The following TRMT44 variants were observed in gnomAD, a reference collection of about 807,000 sequenced individuals.
The protein encoded by TRMT44 is tRNA methyltransferase 44 homolog, also known as probable tRNA (uracil-O(2)-)-methyltransferase.
A neutral mutation model predicts 77.3 loss-of-function variants in TRMT44; 78 were observed. The ratio of observed to expected loss-of-function variants is 1.01; its 90% confidence interval spans 0.84 to 1.22. TRMT44 has a LOEUF of 1.22. Ranked by LOEUF, TRMT44 falls within the 50% of genes most tolerant of loss-of-function variation. The pLI is 0.00. For missense variants in TRMT44, 1,090 were observed against 964.4 expected, an observed-to-expected ratio of 1.13 and a Z score of -1.73; for synonymous variants, 391 against 383.3, an observed-to-expected ratio of 1.02 and a Z score of -0.23.
In TRMT44 at chr4:8,476,386, G is replaced by C; in HGVS notation, c.*385G>C. 1 of 227,246 alleles carries C rather than the reference G, an allele frequency of 4.4e-6. No homozygotes were observed. The highest frequency in any genetic ancestry group is 8.7e-6 in the Non-Finnish European group (1 of 114,660). 14.1% of individuals were successfully genotyped at this position (227,246 alleles called of 1,614,324 possible). A position where few individuals can be genotyped will look rare whatever the true frequency, so the allele number is the denominator to read the frequency against. ...CATGTCCACATCTGTGAAGAGGATG[G>C]GGCTCCTCGAGAAGTAAGACCGTAT... On this transcript the variant is annotated 3_prime_UTR_variant, in exon 11 of 11. Coordinates refer to ENST00000389737, the MANE Select transcript of TRMT44 (RefSeq NM_152544.3).
At chr4:8,472,316 G>A (rs914034074) in intron 10 of TRMT44, among the ~76,000 whole-genome samples, 3 of 152,188 alleles carry the variant, frequency 2.0e-5, no homozygotes, top group African/African-American at 7.2e-5. Context: ...GCCAGGGTTG[G>A]GAGGAGTAAG....
intron 6 of TRMT44, 49 bp from the exon 7 acceptor site, chr4:8,463,936 C>A: frequency 6.6e-7 from 1 of 1,517,720 alleles, no homozygotes. Flanking sequence ...CACGCAGTAG[C>A]TCTACAATGA....
In TRMT44 at chr4:8,475,881, C is replaced by G. The variant is rs146174824; in HGVS notation, c.2154C>G (p.Leu718=). 1.2e-6 allele frequency: 2 copies of G among 1,614,140 alleles called. No homozygotes were observed. Among genetic ancestry groups the G allele is most frequent in the African/African-American group, 1.3e-5 (1 of 74,952 alleles). Residue 718 remains leucine (L), a synonymous_variant, in exon 11 of 11, where the codon CTC becomes CTG. Transcript: ENST00000389737. ...TCTCTGAAGCCTGCAAAACCCGCCT[C>G]TGCTGGTTCTTCATGCATCACCCTG... ...RLLSEACKTR[L]CWFFMHHPDG... is the part of the protein sequence containing the mutation.
chr4:8,482,991 G>A (rs1241691620), intron 2 of TRMT44, among the ~76,000 whole-genome samples: 2 of 152,206 alleles, frequency 1.3e-5, no homozygotes, highest in Non-Finnish European at 2.9e-5. Context: ...GGAACCTAGA[G>A]TGGGAGAGAT....
At chr4:8,481,992 T>G (rs962079280) in intron 2 of TRMT44, among the ~76,000 whole-genome samples, 10 of 152,376 alleles carry the variant, frequency 6.6e-5, no homozygotes, top group African/African-American at 2.2e-4. Flanking sequence ...TGAACATTCC[T>G]GTCTATGAAA....
chr4:8,483,126 A>G (rs899119844), intron 2 of TRMT44, among the ~76,000 whole-genome samples: 2 of 152,194 alleles, frequency 1.3e-5, no homozygotes, highest in African/African-American at 2.4e-5. Flanking sequence ...ACTAAATGGA[A>G]TAAGAGAAGG....
chr4:8,487,477 G>A (rs1727847198), intron 2 of TRMT44, among the ~76,000 whole-genome samples: 1 of 152,058 alleles, frequency 6.6e-6, no homozygotes, highest in Non-Finnish European at 1.5e-5. Context: ...GGAAATAAGG[G>A]ATGGGGCGCA....
At chr4:8,449,358 T>C (rs73211368) in intron 2 of TRMT44, among the ~76,000 whole-genome samples, 3,375 of 152,360 alleles carry the variant, frequency 0.022, 64 homozygotes, top group African/African-American at 0.049. Flanking sequence ...GGAAAATCCT[T>C]GGACGCTTAG....
At chr4:8,462,715 CAACAA>C (rs535548167) in intron 6 of TRMT44, among the ~76,000 whole-genome samples, 40 of 152,232 alleles carry the variant, frequency 2.6e-4, no homozygotes, top group South Asian at 6.2e-4. Context: ...AAAACAACAA[CAACAA>C]AACAAAACAA....
At chr4:8,474,898 G>A (rs896135997) in intron 10 of TRMT44, among the ~76,000 whole-genome samples, 3 of 152,180 alleles carry the variant, frequency 2.0e-5, no homozygotes, top group African/African-American at 4.8e-5. Context: ...GGTGACGAGC[G>A]GGCCCACAGC....
At chr4:8,495,022 C>G (rs1361263104), downstream of TRMT44, among the ~76,000 whole-genome samples, 2 of 152,212 alleles carry the variant, frequency 1.3e-5, no homozygotes, top group African/African-American at 4.8e-5. Flanking sequence ...CCCAGCTGCT[C>G]TTTCCCAACA....
intron 3 of TRMT44, 71 bp downstream of exon 3, chr4:8,449,959 T>A (rs202074531): frequency 5.7e-6 from 2 of 353,852 alleles, no homozygotes; most frequent in Non-Finnish European, 8.1e-6. Context: ...CTTTTTTTTT[T>A]TTTTTTTTTT....
At chr4:8,512,698 G>A in the TRMT44 span, 1 of 152,178 alleles carries the variant, frequency 6.6e-6, no homozygotes, top group African/African-American at 2.4e-5. Context: ...GTGTCTGATC[G>A]ATCACGTCAC....
At position 8,451,369 on chromosome 4, in the gene TRMT44, T is replaced by C. The variant is rs1267992819; in HGVS notation, c.955-591T>C. Among the ~76,000 whole-genome samples, 1 of 152,242 alleles carries C rather than the reference T, an allele frequency of 6.6e-6. No homozygotes were observed. Among genetic ancestry groups the C allele is most frequent in the Non-Finnish European group, 1.5e-5 (1 of 68,034 alleles). On this transcript the variant is annotated intron_variant, in intron 3 of 10. Coordinates refer to ENST00000389737, the MANE Select transcript of TRMT44 (RefSeq NM_152544.3). The surrounding 1 kb of genome is among the most constrained non-coding windows in gnomAD (Gnocchi z 4.1). ...GAAATAGAAATTTCAACTTTTAACA[T>C]TGGCCATTGGTTTTTCCTGTTTTGC...
At chr4:8,512,824 G>A in the TRMT44 span, among the ~76,000 whole-genome samples, 2 of 152,272 alleles carry the variant, frequency 1.3e-5, no homozygotes, top group East Asian at 3.9e-4. Context: ...AAATATGTCT[G>A]TTATTACTGC....
Position 8,441,059 on chromosome 4 carries a change from C to G in TRMT44, c.237C>G (p.Pro79=). Reference sequence around the variant, plus strand: ...GTCCGGGACCCGGCCAGGGTTCCCCCGGAGGGGGCCCGGGTCCCAGGTCGC... The same window carrying G: ...GTCCGGGACCCGGCCAGGGTTCCCCGGGAGGGGGCCCGGGTCCCAGGTCGC... ...ERGPGPGQGS[P]GGGPGPRSLS... is the part of the protein sequence containing the mutation. The change falls in exon 1 of 11, where the codon CCC becomes CCG. Residue 79 remains proline, a synonymous_variant. Transcript: ENST00000389737. The G allele has an allele frequency of 6.7e-7, 1 of 1,486,036 alleles. No individual in the cohort carries two copies. Among genetic ancestry groups the G allele is most frequent in the South Asian group, 1.3e-5 (1 of 75,744 alleles). 92.1% of individuals were successfully genotyped at this position (1,486,036 alleles called of 1,614,324 possible).
At chr4:8,449,518 T>A in intron 2 of TRMT44, 151 bp from the exon 3 acceptor site, 1 of 599,922 alleles carries the variant, frequency 1.7e-6, no homozygotes, top group Non-Finnish European at 2.8e-6. Flanking sequence ...CTCTATTAGA[T>A]GAAAGTTCTG....
At chr4:8,490,914 A>G (rs1489530478) in intron 2 of TRMT44, among the ~76,000 whole-genome samples, 5 of 152,324 alleles carry the variant, frequency 3.3e-5, no homozygotes, top group East Asian at 3.9e-4. Context: ...CGTCCCCATC[A>G]GATTAGTTAG....
At chr4:8,474,675 G>C (rs1187822620) in intron 10 of TRMT44, among the ~76,000 whole-genome samples, 4 of 152,334 alleles carry the variant, frequency 2.6e-5, no homozygotes, top group Admixed American at 1.3e-4. Context: ...CCTCACTGAG[G>C]CTCCTTTATT....
Sources: allele counts gnomAD v4.1 joint callset (sites outside exome capture counted in the v4.1 genomes callset), GRCh38; gene constraint gnomAD v4.1.1; non-coding constraint Gnocchi (gnomAD v3.1); transcripts MANE v1.5; gene names NCBI Gene and HGNC (gene_info 2026-07-23, HGNC 2026-07-21).